Variants in RINL observed in about 807,000 individuals in gnomAD.
RINL encodes the protein ras and Rab interactor-like protein.
Under a neutral mutation model 58.1 loss-of-function variants are expected in RINL, and 39 were observed. The ratio of observed to expected loss-of-function variants is 0.67; its 90% confidence interval spans 0.52 to 0.88. The LOEUF (loss-of-function observed/expected upper bound fraction) is 0.88. Among genes scored for constraint, RINL ranks in the 40% least tolerant of loss-of-function variants. RINL has a pLI of 0.00. For synonymous variants in RINL, 286 were observed against 323.1 expected, an observed-to-expected ratio of 0.89 and a Z score of 1.23; for missense variants, 711 against 749.2, an observed-to-expected ratio of 0.95 and a Z score of 0.60.
In RINL at chr19:38,871,003, G is replaced by A. The variant is rs747329314; in HGVS notation, c.602-11C>T. 3 of 1,590,404 alleles carry A rather than the reference G, an allele frequency of 1.9e-6. No individual in the cohort carries two copies. The highest frequency in any genetic ancestry group is 4.5e-5 in the East Asian group (2 of 44,832). ...CAGGGTTCCTGGGGGCTGGAAGTGA[G>A]GAGGGCATTCGGTCGCCTAGAACAG... is the stretch of plus-strand genomic sequence containing the variant. On this transcript the variant is annotated splice_polypyrimidine_tract_variant and intron_variant, in intron 7 of 11. Coordinates refer to ENST00000591812, the MANE Select transcript of RINL (RefSeq NM_001195833.2).
chr19:38,869,006 G>A lies in RINL; in HGVS notation c.*98C>T. 8.8e-6 allele frequency: 7 copies of A among 791,372 alleles called. No homozygotes were observed. The highest frequency in any genetic ancestry group is 1.3e-5 in the Non-Finnish European group (7 of 547,256). The allele number at this position is 791,372 out of a possible 1,614,324, so 49.0% of individuals were successfully genotyped here. On this transcript the variant is annotated 3_prime_UTR_variant, in exon 12 of 12. Transcript: ENST00000591812. The surrounding 1 kb of genome is among the most constrained non-coding windows in gnomAD (Gnocchi z 5.7). ...TGGTAGATGGGGGTCCCACTGTTTT[G>A]CCCAGGCTGGTCTCAAACTCCTGGG...
At position 38,868,705 on chromosome 19, in the gene RINL, A is replaced by G. The variant is rs1972725725; in HGVS notation, c.*399T>C. The G allele has an allele frequency of 5.8e-6, 1 of 172,374 alleles. No individual in the cohort carries two copies. Among genetic ancestry groups the G allele is most frequent in the Non-Finnish European group, 1.3e-5 (1 of 79,442 alleles). 10.7% of individuals were successfully genotyped at this position (172,374 alleles called of 1,614,324 possible). On this transcript the variant is annotated 3_prime_UTR_variant, in exon 12 of 12. Coordinates refer to ENST00000591812, the MANE Select transcript of RINL (RefSeq NM_001195833.2). ...CTGGGTCAGTCCAGACTCCTGACCT[A>G]TGTGGTTTAGGAGCAGCAAGGAGGA...
At chr19:38,876,288 T>G in intron 3 of RINL, 43 bp downstream of exon 3, 1 of 1,510,968 alleles carries the variant, frequency 6.6e-7, no homozygotes, top group Non-Finnish European at 8.8e-7. Context: ...AGCAGAGTCC[T>G]AATCTAGGGT....
intron 1 of RINL, among the ~76,000 whole-genome samples, chr19:38,877,244 G>T (rs1600098475): frequency 6.6e-6 from 1 of 152,188 alleles, no homozygotes; most frequent in African/African-American, 2.4e-5. Context: ...GTACCGGATG[G>T]TGGGGAATCT....
chr19:38,871,220 C>CA lies in RINL; in HGVS notation c.458dup (p.Gln154AlafsTer46), dbSNP rs763155559. On this transcript the variant is annotated frameshift_variant, in exon 7 of 12. Coordinates refer to ENST00000591812, the MANE Select transcript of RINL (RefSeq NM_001195833.2). LOFTEE classifies it high-confidence loss of function. ...TGTCCTGTTGGACCCTGCCGATCTG[C>CA]ACAGGATCTGGAGCCAGCAGAAGTG... is the stretch of plus-strand genomic sequence containing the variant. 6.2e-7 allele frequency: 1 copy of CA among 1,614,020 alleles called. No individual in the cohort carries two copies. The highest frequency in any genetic ancestry group is 1.1e-5 in the South Asian group (1 of 91,086).
chr19:38,870,256 G>A lies in RINL; in HGVS notation c.1029C>T (p.Pro343=). 7.2e-7 allele frequency: 1 copy of A among 1,381,008 alleles called. No homozygotes were observed. The highest frequency in any genetic ancestry group is 9.3e-7 in the Non-Finnish European group (1 of 1,074,912). The allele number at this position is 1,381,008 out of a possible 1,614,324, so 85.5% of individuals were successfully genotyped here. A position where few individuals can be genotyped will look rare whatever the true frequency, so the allele number is the denominator to read the frequency against. ...GLPKKDEDPG[P]ALETAVCQAV... ...CCTGGCACACCGCCGTCTCCAGCGC[G>A]GGGCCTGCGGGGTGTGGGGGACGGG... The change falls in exon 9 of 12, where the codon CCC becomes CCT. Residue 343 remains proline (P), a synonymous_variant. Coordinates refer to ENST00000591812, the MANE Select transcript of RINL (RefSeq NM_001195833.2). This position sits in a 1 kb window ranked among gnomAD's most constrained non-coding sequence, Gnocchi z 5.8.
Position 38,870,803 on chromosome 19 carries a change from T to A in RINL, c.791A>T (p.Gln264Leu). ...GPEDVLTIHV[Q>L]SLVRARSSYV... ...GCTGCTCCGGGCCCTGACCAGAGAC[T>A]GGACGTGAATGGTGAGCACGTCCTC... Residue 264 changes from glutamine (Q) to leucine (L), a missense_variant, in exon 8 of 12, where the codon CAG (glutamine) becomes CTG (leucine). Gln to Leu is a moderately radical substitution (Grantham distance 113). Transcript: ENST00000591812. The surrounding 1 kb of genome is among the most constrained non-coding windows in gnomAD (Gnocchi z 5.8). 3 of 1,611,878 alleles carry A rather than the reference T, an allele frequency of 1.9e-6. No individual in the cohort carries two copies. The highest frequency in any genetic ancestry group is 2.5e-6 in the Non-Finnish European group (3 of 1,180,008).
At position 38,871,857 on chromosome 19, in the gene RINL, T is replaced by A; in HGVS notation, c.327A>T (p.Glu109Asp). The change falls in exon 5 of 12, where the codon GAA becomes GAT. Residue 109 changes from glutamate to aspartate, a missense_variant. Coordinates refer to ENST00000591812, the MANE Select transcript of RINL (RefSeq NM_001195833.2). ...GGTCTGGCATGCAGAGGTTGGAGGA[T>A]TCCAGGGACACACCTGTGGTGGGGG... ...IQKIPRGVSL[E>D]SSNLCMPDLP... 6.2e-7 allele frequency: 1 copy of A among 1,613,842 alleles called. No homozygotes were observed. Among genetic ancestry groups the A allele is most frequent in the Non-Finnish European group, 8.5e-7 (1 of 1,179,826 alleles).
rs1372283649 is a variant in RINL at position 38,876,881 on chromosome 19, G to A, written c.-39-100C>T. The A allele has an allele frequency of 1.8e-5, 12 of 677,316 alleles. No homozygotes were observed. The East Asian group carries it at 1.9e-4, about 11-fold the overall frequency. 42.0% of individuals were successfully genotyped at this position (677,316 alleles called of 1,614,324 possible). On this transcript the variant is annotated intron_variant, in intron 1 of 11. Transcript: ENST00000591812. ...GCAGAGACCCTGACCAATCAGAATGGACCCCAGAGGCCGCTTGCCGTGGCA... is the reference window on the plus strand; with the variant it reads ...GCAGAGACCCTGACCAATCAGAATGAACCCCAGAGGCCGCTTGCCGTGGCA...
intron 6 of RINL, 61 bp from the exon 7 acceptor site, chr19:38,871,288 C>G: frequency 1.9e-6 from 3 of 1,573,404 alleles, no homozygotes; most frequent in Non-Finnish European, 2.6e-6. Context: ...CTGGTCCCCT[C>G]AAGGCGCCAG....
Position 38,868,795 on chromosome 19 carries a change from T to C in RINL, c.*309A>G, listed in dbSNP as rs2145467454. On this transcript the variant is annotated 3_prime_UTR_variant, in exon 12 of 12. Transcript: ENST00000591812. ...CCTTTGCACTGGCTCATCCTGCTTC[T>C]CGGAATGCTCTTCCTAATACCCACT... 3.6e-6 allele frequency: 1 copy of C among 274,508 alleles called. No homozygotes were observed. The highest frequency in any genetic ancestry group is 7.0e-6 in the Non-Finnish European group (1 of 142,840). The allele number at this position is 274,508 out of a possible 1,614,324, so 17.0% of individuals were successfully genotyped here.
chr19:38,868,881 T>C lies in RINL; in HGVS notation c.*223A>G, dbSNP rs1972728894. 2 of 485,898 alleles carry C rather than the reference T, an allele frequency of 4.1e-6. No homozygotes were observed. The highest frequency in any genetic ancestry group is 1.9e-5 in the African/African-American group (1 of 52,100). 30.1% of individuals were successfully genotyped at this position (485,898 alleles called of 1,614,324 possible). Reference sequence around the variant, plus strand: ...TCTGCAGATGTCACCTCAGTGAGGCTTTCTCTGATACGCCTGTCTAAAACT... The same window carrying C: ...TCTGCAGATGTCACCTCAGTGAGGCCTTCTCTGATACGCCTGTCTAAAACT... On this transcript the variant is annotated 3_prime_UTR_variant, in exon 12 of 12. Transcript: ENST00000591812.
intron 4 of RINL, among the ~76,000 whole-genome samples, chr19:38,872,374 T>C (rs1972833670): frequency 6.6e-6 from 1 of 151,506 alleles, no homozygotes; most frequent in East Asian, 2.0e-4. Flanking sequence ...TAATCCCAGA[T>C]ACTTGGGAGC....
intron 4 of RINL, chr19:38,873,670 C>A (rs932720779): frequency 2.8e-5 from 12 of 422,014 alleles, no homozygotes; most frequent in Non-Finnish European, 4.4e-5. Flanking sequence ...GGATTACAGT[C>A]GCGCGTCACC....
At chr19:38,873,359 A>T (rs1461179588) in intron 4 of RINL, among the ~76,000 whole-genome samples, 1 of 152,154 alleles carries the variant, frequency 6.6e-6, no homozygotes, top group Non-Finnish European at 1.5e-5. Flanking sequence ...AGGAGTTTAC[A>T]TTTTGTATCT....
rs1039950566 is a variant in RINL at position 38,870,060 on chromosome 19, G to C, written c.1225C>G (p.Arg409Gly). Residue 409 changes from arginine (R) to glycine (G), a missense_variant, in exon 9 of 12, where the codon CGC becomes GGC. Coordinates refer to ENST00000591812, the MANE Select transcript of RINL (RefSeq NM_001195833.2). This position sits in a 1 kb window ranked among gnomAD's most constrained non-coding sequence, Gnocchi z 5.8. ...GQSPAPALRS[R>G]IHERLAHLHA... ...AGGTGCGCAAGGCGCTCGTGGATGC[G>C]GCTCCGCAAGGCGGGGGCGGGGCTC... 6.5e-7 allele frequency: 1 copy of C among 1,529,636 alleles called. No individual in the cohort carries two copies. Among genetic ancestry groups the C allele is most frequent in the African/African-American group, 1.4e-5 (1 of 71,022 alleles). The allele number at this position is 1,529,636 out of a possible 1,614,324, so 94.8% of individuals were successfully genotyped here. A position where few individuals can be genotyped will look rare whatever the true frequency, so the allele number is the denominator to read the frequency against.
Position 38,870,143 on chromosome 19 carries a change from G to T in RINL, c.1142C>A (p.Thr381Lys). 7.1e-7 allele frequency: 1 copy of T among 1,412,584 alleles called. No individual in the cohort carries two copies. The highest frequency in any genetic ancestry group is 9.1e-7 in the Non-Finnish European group (1 of 1,093,776). The allele number at this position is 1,412,584 out of a possible 1,614,324, so 87.5% of individuals were successfully genotyped here. ...PELRRLRRRQ[T>K]ALRAGAGPPG... ...AGGCCCCGCCCCCGCCCGCAGGGCT[G>T]TCTGTCGCCGCCGCAGCCGCCGCAG... Residue 381 changes from threonine to lysine, a missense_variant, in exon 9 of 12, where the codon ACA (threonine) becomes AAA (lysine). Physicochemically the swap from Thr to Lys is moderately conservative, Grantham distance 78. Coordinates refer to ENST00000591812, the MANE Select transcript of RINL (RefSeq NM_001195833.2). The surrounding 1 kb of genome is among the most constrained non-coding windows in gnomAD (Gnocchi z 5.8).
chr19:38,876,799 A>G lies in RINL; in HGVS notation c.-39-18T>C. On this transcript the variant is annotated intron_variant, in intron 1 of 11. Transcript: ENST00000591812. Reference sequence around the variant, plus strand: ...CCTGGCCTCTGGCAGGGAGAAAGGTAAGACTCAAAGCTGCTCTAGCCCTCG... The same window carrying G: ...CCTGGCCTCTGGCAGGGAGAAAGGTGAGACTCAAAGCTGCTCTAGCCCTCG... 7.2e-7 allele frequency: 1 copy of G among 1,397,836 alleles called. No individual in the cohort carries two copies. Among genetic ancestry groups the G allele is most frequent in the African/African-American group, 1.4e-5 (1 of 70,400 alleles). The allele number at this position is 1,397,836 out of a possible 1,614,324, so 86.6% of individuals were successfully genotyped here.
chr19:38,869,311 C>A lies in RINL; in HGVS notation c.1574G>T (p.Arg525Leu). 6.2e-7 allele frequency: 1 copy of A among 1,614,010 alleles called. No individual in the cohort carries two copies. Among genetic ancestry groups the A allele is most frequent in the Non-Finnish European group, 8.5e-7 (1 of 1,179,988 alleles). ...GCGGTGCCACTGGTGCAGGGAGGCG[C>A]GGGCCTCGGAGCTGAGCCCCCGGGG... is the stretch of plus-strand genomic sequence containing the variant. ...RAPRGLSSEARASLHQWHRRR... is the reference protein window; with the variant it reads ...RAPRGLSSEALASLHQWHRRR... Residue 525 changes from arginine (R) to leucine (L), a missense_variant, in exon 11 of 12, where the codon CGC becomes CTC. Transcript: ENST00000591812. The surrounding 1 kb of genome is among the most constrained non-coding windows in gnomAD (Gnocchi z 5.7).
Sources: allele counts gnomAD v4.1 joint callset (sites outside exome capture counted in the v4.1 genomes callset), GRCh38; gene constraint gnomAD v4.1.1; non-coding constraint Gnocchi (gnomAD v3.1); transcripts MANE v1.5; gene names NCBI Gene and HGNC (gene_info 2026-07-23, HGNC 2026-07-21).